The following POF1B variants were observed in gnomAD, a reference collection of about 807,000 sequenced individuals.
POF1B encodes protein POF1B.
POF1B carries 53 observed loss-of-function variants against 55.3 expected under a neutral mutation model. The ratio of observed to expected loss-of-function variants is 0.96; its 90% CI spans 0.77 to 1.20. The LOEUF (loss-of-function observed/expected upper bound fraction) is 1.20. Ranked by LOEUF, POF1B falls within the 50% of genes most tolerant of loss-of-function variation. POF1B has a pLI of 0.00. For missense variants in POF1B, 478 were observed against 420.5 expected, an observed-to-expected ratio of 1.14 and a Z score of -1.20; for synonymous variants, 188 against 148.3, an observed-to-expected ratio of 1.27 and a Z score of -1.95.
At chrX:85,306,614 C>T (rs1048250758) in intron 11 of POF1B, among the ~76,000 whole-genome samples, 2 of 110,799 alleles carry the variant, frequency 1.8e-5, no homozygotes, top group Non-Finnish European at 3.8e-5. Context: ...CAATACTGTA[C>T]CCTGCTTTCT....
At position 85,277,840 on chromosome X, in the gene POF1B, C is replaced by A. The variant is rs771504333; in HGVS notation, c.*1581G>T. 2.2e-4 allele frequency: 24 copies of A among 110,938 alleles called. No homozygotes were observed. Among genetic ancestry groups the A allele is most frequent in the African/African-American group, 7.5e-4 (23 of 30,610 alleles). The allele number at this position is 110,938 out of a possible 1,213,427, so 9.1% of individuals were successfully genotyped here. On this transcript the variant is annotated 3_prime_UTR_variant, in exon 17 of 17. Transcript: ENST00000262753. ...TTAATAATAACAATTTCCTACTAAG[C>A]TAATAAAACTTCCCCTTATATTATT...
chrX:85,301,439 C>A (rs1309873332), intron 15 of POF1B, among the ~76,000 whole-genome samples: 2 of 111,245 alleles, frequency 1.8e-5, no homozygotes, highest in Admixed American at 1.9e-4. Flanking sequence ...TATTCCCATA[C>A]AAGCAAAAAC....
At chrX:85,306,791 A>T (rs1932584711) in intron 11 of POF1B, among the ~76,000 whole-genome samples, 1 of 111,597 alleles carries the variant, frequency 9.0e-6, no homozygotes, top group Admixed American at 9.5e-5. Flanking sequence ...GAATTCATCT[A>T]GAGTTTTTTC....
intron 2 of POF1B, among the ~76,000 whole-genome samples, chrX:85,378,855 A>G (rs1353956402): frequency 8.9e-6 from 1 of 112,381 alleles, no homozygotes; most frequent in African/African-American, 3.2e-5. Context: ...AATCTACTGT[A>G]CTCAAGTTGA....
At chrX:85,352,715 T>C (rs1484750585) in intron 4 of POF1B, among the ~76,000 whole-genome samples, 2 of 111,543 alleles carry the variant, frequency 1.8e-5, no homozygotes, top group Non-Finnish European at 3.8e-5. Context: ...TGTGCAATCA[T>C]GGAACACATG....
chrX:85,339,335 C>T (rs1446692510), intron 6 of POF1B, among the ~76,000 whole-genome samples: 1 of 110,932 alleles, frequency 9.0e-6, no homozygotes, highest in African/African-American at 3.3e-5. Flanking sequence ...GTCCCTCCCA[C>T]AACACATGAT....
intron 15 of POF1B, among the ~76,000 whole-genome samples, chrX:85,299,351 C>G (rs868589556): frequency 1.9e-5 from 2 of 102,669 alleles, no homozygotes; most frequent in East Asian, 6.2e-4. Flanking sequence ...TGCAGTGGCT[C>G]GATCTCGGCT....
chrX:85,364,186 C>G (rs770371962), intron 3 of POF1B, among the ~76,000 whole-genome samples: 3 of 110,647 alleles, frequency 2.7e-5, no homozygotes, highest in Admixed American at 9.6e-5. Context: ...TAGGGGGAGT[C>G]TTGGTTCTTC....
intron 16 of POF1B, among the ~76,000 whole-genome samples, chrX:85,281,960 A>C (rs892971295): frequency 1.8e-5 from 2 of 110,671 alleles, no homozygotes; most frequent in Non-Finnish European, 3.8e-5. Flanking sequence ...CACTAATGTT[A>C]ATCTTCTTCC....
At chrX:85,324,467 C>A (rs1299149357) in intron 7 of POF1B, among the ~76,000 whole-genome samples, 2 of 110,125 alleles carry the variant, frequency 1.8e-5, no homozygotes, top group African/African-American at 6.6e-5. Flanking sequence ...TATGTAATGC[C>A]CTTTGTCTTA....
chrX:85,300,265 A>G (rs891394742), intron 15 of POF1B, among the ~76,000 whole-genome samples: 1 of 111,836 alleles, frequency 8.9e-6, no homozygotes, highest in African/African-American at 3.3e-5. Context: ...AGCCCTCAGT[A>G]CTGGCTAACC....
intron 15 of POF1B, among the ~76,000 whole-genome samples, chrX:85,297,829 C>G (rs1932340219): frequency 8.9e-6 from 1 of 111,804 alleles, no homozygotes; most frequent in African/African-American, 3.3e-5. Context: ...AGCAGACAGG[C>G]CTCACCCTTC....
intron 5 of POF1B, among the ~76,000 whole-genome samples, chrX:85,350,546 C>G (rs903817098): frequency 1.8e-5 from 2 of 110,269 alleles, no homozygotes; most frequent in Non-Finnish European, 3.8e-5. Context: ...GGGTATATAC[C>G]CAGTAATGGG....
chrX:85,365,568 T>A (rs1446231479), intron 3 of POF1B, among the ~76,000 whole-genome samples: 1 of 111,755 alleles, frequency 8.9e-6, no homozygotes, highest in Non-Finnish European at 1.9e-5. Context: ...AGGTGGCGCT[T>A]AGACATAGTG....
intron 3 of POF1B, among the ~76,000 whole-genome samples, chrX:85,360,127 G>A (rs186691209): frequency 2.7e-5 from 3 of 109,211 alleles, no homozygotes; most frequent in African/African-American, 1.0e-4. Context: ...GGTTCATGTA[G>A]ATTTATTTAT....
chrX:85,343,068 T>C (rs757405160), intron 6 of POF1B, among the ~76,000 whole-genome samples: 4 of 108,789 alleles, frequency 3.7e-5, no homozygotes, highest in South Asian at 8.0e-4. Context: ...AGGGATAGCA[T>C]TGAGAGAAAT....
intron 7 of POF1B, among the ~76,000 whole-genome samples, chrX:85,328,188 A>G (rs1240575175): frequency 2.9e-5 from 3 of 104,270 alleles, no homozygotes. Context: ...TTATTTATTT[A>G]TTTATTTATT....
chrX:85,322,880 C>A (rs1456973341), intron 7 of POF1B, among the ~76,000 whole-genome samples: 1 of 111,197 alleles, frequency 9.0e-6, no homozygotes, highest in African/African-American at 3.3e-5. Flanking sequence ...AAATGCAAAT[C>A]AAAACCACAA....
chrX:85,320,620 A>G (rs995306627), intron 7 of POF1B, among the ~76,000 whole-genome samples: 2 of 111,684 alleles, frequency 1.8e-5, no homozygotes, highest in South Asian at 3.7e-4. Context: ...ATAGAGACAC[A>G]AAAAACCCTT....
Sources: allele counts gnomAD v4.1 joint callset (sites outside exome capture counted in the v4.1 genomes callset), GRCh38; gene constraint gnomAD v4.1.1; transcripts MANE v1.5; gene names NCBI Gene and HGNC (gene_info 2026-07-23, HGNC 2026-07-21).